ZNF106: variants seen among roughly 807,000 people sequenced by gnomAD.
The protein encoded by ZNF106 is SH3-domain binding protein 3.
Under a neutral mutation model 195.1 loss-of-function variants are expected in ZNF106, and 67 were observed. The ratio of observed to expected loss-of-function variants is 0.34; its 90% CI spans 0.28 to 0.42. The LOEUF (loss-of-function observed/expected upper bound fraction) is 0.42. ZNF106 is among the 10% of genes least tolerant of loss of function. The probability of loss-of-function intolerance (pLI) is 1.00; values close to 1 mark genes in which losing one functional copy is unlikely to be tolerated. For synonymous variants in ZNF106, 784 were observed against 818.6 expected (o/e 0.96, Z 0.72); for missense variants, 2,118 against 2,304.5 (o/e 0.92, Z 1.66).
In ZNF106 at chr15:42,450,143, A is replaced by G. The variant is rs2055939297; in HGVS notation, c.2129T>C (p.Val710Ala). The change falls in exon 5 of 22, where the codon GTA (valine) becomes GCA (alanine). Residue 710 changes from valine (V) to alanine (A), a missense_variant. By Grantham distance (64) the Val-to-Ala change is moderately conservative (BLOSUM62 0). Coordinates refer to ENST00000564754, the MANE Select transcript of ZNF106 (RefSeq NM_001366845.3). ...AQVDDSIKSH[V>A]SYETEGFESA... The stretch of plus-strand genomic sequence containing the variant: ...CTCAAAGCCTTCTGTTTCATAAGAT[A>G]CATGAGATTTAATAGAGTCATCAAC... 6.2e-7 allele frequency: 1 copy of G among 1,614,114 alleles called. No individual in the cohort carries two copies. The highest frequency in any genetic ancestry group is 1.3e-5 in the African/African-American group (1 of 74,936).
intron 14 of ZNF106, among the ~76,000 whole-genome samples, chr15:42,431,384 C>T (rs950433547): frequency 6.2e-5 from 9 of 146,024 alleles, no homozygotes; most frequent in Admixed American, 1.4e-4. Flanking sequence ...TGATGTTATA[C>T]GGTTCTTTTT....
Position 42,417,840 on chromosome 15 carries a change from C to T in ZNF106, c.5629G>A (p.Asp1877Asn), listed in dbSNP as rs1212578212. ...CCTTTCCTAGCAGTGAAAAAAGCATCGCAGTTCTTCCAGCGACATTTCAGA... is the reference window on the plus strand; with the variant it reads ...CCTTTCCTAGCAGTGAAAAAAGCATTGCAGTTCTTCCAGCGACATTTCAGA... Reference protein sequence around the residue: ...QTLKCRWKNCDAFFTARKGSK... With the variant: ...QTLKCRWKNCNAFFTARKGSK... Residue 1877 changes from aspartate (D) to asparagine (N), a missense_variant, in exon 21 of 22, where the codon GAT (aspartate) becomes AAT (asparagine). By Grantham distance (23) the Asp-to-Asn change is conservative. Coordinates refer to ENST00000564754, the MANE Select transcript of ZNF106 (RefSeq NM_001366845.3). 3 of 1,613,828 alleles carry T rather than the reference C, an allele frequency of 1.9e-6. No homozygotes were observed. The highest frequency in any genetic ancestry group is 2.2e-5 in the East Asian group (1 of 44,878).
chr15:42,474,154 T>A (rs2056737074), intron 1 of ZNF106, among the ~76,000 whole-genome samples: 1 of 152,178 alleles, frequency 6.6e-6, no homozygotes, highest in South Asian at 2.1e-4. Context: ...CCCAGAGAAT[T>A]GTGAGACACA....
At chr15:42,430,751 G>A (rs1489146043) in intron 14 of ZNF106, among the ~76,000 whole-genome samples, 3 of 151,970 alleles carry the variant, frequency 2.0e-5, no homozygotes, top group South Asian at 2.1e-4. Context: ...CTTAAGTTAC[G>A]GCTTTTCCCC....
At chr15:42,445,036 C>T in intron 7 of ZNF106, 55 bp from the exon 8 acceptor site, 1 of 1,601,092 alleles carries the variant, frequency 6.2e-7, no homozygotes, top group Non-Finnish European at 8.5e-7. Flanking sequence ...CCTCTCATCA[C>T]ACAGCTCAGA....
intron 6 of ZNF106, 74 bp downstream of exon 6, chr15:42,447,998 G>A: frequency 6.7e-7 from 1 of 1,494,696 alleles, no homozygotes; most frequent in Non-Finnish European, 9.0e-7. Context: ...AAGAAAAACA[G>A]TTGAACCTTT....
intron 3 of ZNF106, among the ~76,000 whole-genome samples, chr15:42,461,043 C>T (rs2056380861): frequency 1.3e-5 from 2 of 152,090 alleles, no homozygotes; most frequent in African/African-American, 4.8e-5. Flanking sequence ...GTTACCTCCA[C>T]ACACATCTGC....
chr15:42,432,563 T>C (rs2055090369), intron 14 of ZNF106, among the ~76,000 whole-genome samples: 1 of 152,196 alleles, frequency 6.6e-6, no homozygotes, highest in Non-Finnish European at 1.5e-5. Flanking sequence ...CAACCTATTT[T>C]GTCTTTACAT....
At position 42,437,395 on chromosome 15, in the gene ZNF106, G is replaced by A. The variant is rs1264660148; in HGVS notation, c.4601-18C>T. The A allele has an allele frequency of 6.2e-7, 1 of 1,612,378 alleles. No homozygotes were observed. The highest frequency in any genetic ancestry group is 1.3e-5 in the African/African-American group (1 of 74,842). On this transcript the variant is annotated intron_variant, in intron 12 of 21. Coordinates refer to ENST00000564754, the MANE Select transcript of ZNF106 (RefSeq NM_001366845.3). ...AGATATTTCTGGAAAACAAGAATAGGTTTCAGAGACATGTCTGCTAGAGTC... is the reference window on the plus strand; with the variant it reads ...AGATATTTCTGGAAAACAAGAATAGATTTCAGAGACATGTCTGCTAGAGTC...
At chr15:42,455,361 T>A (rs997903019) in intron 4 of ZNF106, among the ~76,000 whole-genome samples, 5 of 152,168 alleles carry the variant, frequency 3.3e-5, no homozygotes, top group Non-Finnish European at 5.9e-5. Flanking sequence ...CTGATGATAA[T>A]TTTAGGTAAT....
intron 3 of ZNF106, among the ~76,000 whole-genome samples, chr15:42,463,976 C>A (rs1466241616): frequency 6.6e-6 from 1 of 152,102 alleles, no homozygotes; most frequent in Non-Finnish European, 1.5e-5. Context: ...CATTAATTTG[C>A]CCACAGAATT....
At chr15:42,441,828 G>C in intron 10 of ZNF106, 1 of 335,284 alleles carries the variant, frequency 3.0e-6, no homozygotes, top group Non-Finnish European at 5.4e-6. Flanking sequence ...AACCTTGTGG[G>C]TGCTAATACA....
chr15:42,455,065 A>G (rs899981028), intron 4 of ZNF106, among the ~76,000 whole-genome samples: 9 of 152,212 alleles, frequency 5.9e-5, no homozygotes, highest in Non-Finnish European at 1.2e-4. Flanking sequence ...AGAACAAAAT[A>G]GAAGTCTCCC....
intron 16 of ZNF106, chr15:42,424,376 G>C (rs560325863): frequency 4.4e-5 from 14 of 318,682 alleles, no homozygotes; most frequent in African/African-American, 3.0e-4. Context: ...TGCATCACTT[G>C]GTGATGTTGG....
chr15:42,424,745 G>A, intron 16 of ZNF106, 89 bp downstream of exon 16: 1 of 1,347,978 alleles, frequency 7.4e-7, no homozygotes, highest in Non-Finnish European at 1.0e-6. Context: ...CTCCCAAAGT[G>A]CTGGGACTAC....
At chr15:42,466,190 A>C in intron 2 of ZNF106, 76 bp from the exon 3 acceptor site, 3 of 1,214,482 alleles carry the variant, frequency 2.5e-6, no homozygotes, top group Non-Finnish European at 2.2e-6. Flanking sequence ...TTCCTCCTCA[A>C]TCAAAAATTG....
At position 42,421,988 on chromosome 15, in the gene ZNF106, A is replaced by T; in HGVS notation, c.5374T>A (p.Ser1792Thr). ...DKFVRVYELQ[S>T]HDRLQVYGGH... Reference sequence around the variant, plus strand: ...CCATAAACTTGTAATCGATCATGAGACTTAGGCAGAAAAAAAAAAAGAGAA... The same window carrying T: ...CCATAAACTTGTAATCGATCATGAGTCTTAGGCAGAAAAAAAAAAAGAGAA... The change falls in exon 19 of 22, where the codon TCT becomes ACT. Residue 1792 changes from serine (S) to threonine (T), a missense_variant and splice_region_variant. Coordinates refer to ENST00000564754, the MANE Select transcript of ZNF106 (RefSeq NM_001366845.3). 1 of 1,576,826 alleles carries T rather than the reference A, an allele frequency of 6.3e-7. No individual in the cohort carries two copies. Among genetic ancestry groups the T allele is most frequent in the Non-Finnish European group, 8.6e-7 (1 of 1,161,178 alleles).
rs1364914204 is a variant in ZNF106, at chr15:42,427,884, T to A, written c.4998+134A>T. The A allele has an allele frequency of 4.5e-6, 3 of 671,344 alleles. No homozygotes were observed. The African/African-American group carries it at 5.3e-5, about 12-fold the overall frequency. The allele number at this position is 671,344 out of a possible 1,614,324, so 41.6% of individuals were successfully genotyped here. On this transcript the variant is annotated intron_variant, in intron 15 of 21. Transcript: ENST00000564754. ...TCACTTACATCAGAAGATAACTGTG[T>A]TTGAGTAGTGGCTAATTCTGCTGCT...
At chr15:42,427,291 G>A (rs1002743865) in intron 15 of ZNF106, among the ~76,000 whole-genome samples, 1 of 152,070 alleles carries the variant, frequency 6.6e-6, no homozygotes, top group Admixed American at 6.5e-5. Context: ...AAATATAATG[G>A]GATCATGTCT....
Sources: gnomAD v4.1 joint callset for allele counts (sites outside exome capture counted in the v4.1 genomes callset) on GRCh38, gnomAD v4.1.1 for gene constraint, MANE v1.5 for transcripts, NCBI Gene and HGNC (gene_info 2026-07-23, HGNC 2026-07-21) for gene names.